COBL: variants seen among roughly 807,000 people sequenced by gnomAD.
The protein encoded by COBL is protein cordon-bleu.
Under a neutral mutation model 98.8 loss-of-function variants are expected in COBL, and 51 were observed. The ratio of observed to expected loss-of-function variants is 0.52; its 90% confidence interval spans 0.41 to 0.65. The LOEUF is 0.65. COBL is among the 30% of genes least tolerant of loss of function. The pLI is 0.00. For missense variants in COBL, 1,617 were observed against 1,617.5 expected (o/e 1.00, Z 0.01); for synonymous variants, 634 against 651.7 (o/e 0.97, Z 0.41).
intron 6 of COBL, among the ~76,000 whole-genome samples, chr7:51,124,505 C>G (rs563817628): frequency 1.3e-5 from 2 of 152,148 alleles, no homozygotes; most frequent in African/African-American, 2.4e-5. Flanking sequence ...AATGAGATGG[C>G]CTTTCCAACA....
intron 1 of COBL, among the ~76,000 whole-genome samples, chr7:51,292,976 C>T (rs1352047163): frequency 3.9e-5 from 6 of 152,252 alleles, no homozygotes; most frequent in Non-Finnish European, 8.8e-5. Flanking sequence ...AGTTACTAAA[C>T]ACATGTGATG....
At chr7:51,314,825 T>A (rs1376182257) in intron 1 of COBL, among the ~76,000 whole-genome samples, 1 of 152,228 alleles carries the variant, frequency 6.6e-6, no homozygotes, top group East Asian at 1.9e-4. Flanking sequence ...TCCTTAGTTT[T>A]ACTTTGCAAT....
At chr7:51,152,009 A>G (rs569665827) in intron 5 of COBL, among the ~76,000 whole-genome samples, 49 of 152,334 alleles carry the variant, frequency 3.2e-4, no homozygotes, top group African/African-American at 1.1e-3. Flanking sequence ...CCTGCTCACA[A>G]ATCATATGAT....
At chr7:51,266,331 C>A (rs1446712863) in intron 1 of COBL, among the ~76,000 whole-genome samples, 3 of 152,210 alleles carry the variant, frequency 2.0e-5, no homozygotes, top group African/African-American at 7.2e-5. Flanking sequence ...ATAATCCCAG[C>A]ATTCTGGGAG....
At position 51,029,562 on chromosome 7, in the gene COBL, T is replaced by C. The variant is rs372180151; in HGVS notation, c.1534A>G (p.Ser512Gly). 3.1e-6 allele frequency: 5 copies of C among 1,603,962 alleles called. No individual in the cohort carries two copies. In the African/African-American group the frequency reaches 5.4e-5, roughly 17 times the overall value. Residue 512 changes from serine (S) to glycine (G), a missense_variant, in exon 10 of 13, where the codon AGC (serine) becomes GGC (glycine). This residue lies in a region of COBL where 1,304 missense variants were observed against 1,282.0 expected (regional missense o/e 1.02). Transcript: ENST00000265136. ...CCATGGATGGAGCTGGTGAGGGAGC[T>C]GGTGTCTGTTTCATAGCTGTCTTCC... ...EMEDSYETDT[S>G]SLTSSIHGAS...
intron 1 of COBL, among the ~76,000 whole-genome samples, chr7:51,311,677 C>G (rs964398124): frequency 6.6e-6 from 1 of 151,982 alleles, no homozygotes; most frequent in Non-Finnish European, 1.5e-5. Flanking sequence ...TCCAGAAACA[C>G]TCAAGTGACA....
intron 1 of COBL, among the ~76,000 whole-genome samples, chr7:51,311,988 T>C (rs1803095630): frequency 6.6e-6 from 1 of 150,676 alleles, no homozygotes; most frequent in African/African-American, 2.4e-5. Flanking sequence ...TAAATGTGGA[T>C]GGGGAGAGAA....
chr7:51,278,318 A>G (rs964639117), intron 1 of COBL, among the ~76,000 whole-genome samples: 29 of 151,094 alleles, frequency 1.9e-4, no homozygotes, highest in African/African-American at 7.0e-4. Context: ...CTCATCTATG[A>G]TCATGCAGGC....
At chr7:51,155,810 ATTGCTTAG>A (rs1786071487) in intron 5 of COBL, among the ~76,000 whole-genome samples, 2 of 152,168 alleles carry the variant, frequency 1.3e-5, no homozygotes, top group Admixed American at 1.3e-4. Flanking sequence ...TCCTGTGTGA[ATTGCTTAG>A]AACTGACCTG....
At chr7:51,030,398 A>G (rs1375909977) in intron 9 of COBL, among the ~76,000 whole-genome samples, 1 of 152,208 alleles carries the variant, frequency 6.6e-6, no homozygotes, top group Non-Finnish European at 1.5e-5. Flanking sequence ...GAGATGCTCC[A>G]TTATAAATGG....
intron 1 of COBL, among the ~76,000 whole-genome samples, chr7:51,285,986 C>T (rs182936620): frequency 2.0e-5 from 3 of 152,122 alleles, no homozygotes; most frequent in East Asian, 3.9e-4. Flanking sequence ...ATTAAATAGA[C>T]GAAAGACAGT....
chr7:51,293,145 T>C (rs771200736), intron 1 of COBL, among the ~76,000 whole-genome samples: 3 of 152,270 alleles, frequency 2.0e-5, no homozygotes. Flanking sequence ...TGTAGTTGTT[T>C]GTTTGCTTTG....
At chr7:51,165,211 T>C (rs1387247953) in intron 5 of COBL, among the ~76,000 whole-genome samples, 1 of 152,022 alleles carries the variant, frequency 6.6e-6, no homozygotes, top group Non-Finnish European at 1.5e-5. Context: ...ACTGATCTGT[T>C]GCCTACAAGA....
chr7:51,056,910 CT>C (rs1214303519), intron 7 of COBL, among the ~76,000 whole-genome samples: 3 of 151,416 alleles, frequency 2.0e-5, no homozygotes, highest in Admixed American at 1.3e-4. Context: ...CAGTTTGTTA[CT>C]TGTGATCAAC....
At chr7:51,304,285 C>A (rs1802258435) in intron 1 of COBL, among the ~76,000 whole-genome samples, 1 of 152,236 alleles carries the variant, frequency 6.6e-6, no homozygotes, top group African/African-American at 2.4e-5. Flanking sequence ...CAGGTCCAGC[C>A]TTCTAACAAA....
At chr7:51,076,957 A>C (rs1002988184) in intron 7 of COBL, among the ~76,000 whole-genome samples, 1 of 152,238 alleles carries the variant, frequency 6.6e-6, no homozygotes. Flanking sequence ...TAATTAAAAT[A>C]GATAATTCAT....
chr7:51,079,254 T>C (rs898345676), intron 7 of COBL, among the ~76,000 whole-genome samples: 12 of 152,284 alleles, frequency 7.9e-5, no homozygotes, highest in African/African-American at 2.9e-4. Flanking sequence ...TTCTCAAGTA[T>C]AACTGCAACA....
intron 8 of COBL, among the ~76,000 whole-genome samples, chr7:51,041,043 TTTTC>T (rs574459551): frequency 1.8e-4 from 28 of 152,194 alleles, no homozygotes; most frequent in Non-Finnish European, 3.2e-4. Flanking sequence ...AGAAAGTGGT[TTTTC>T]TTTATGTTAA....
intron 1 of COBL, among the ~76,000 whole-genome samples, chr7:51,272,817 T>G (rs1798891142): frequency 6.6e-6 from 1 of 152,204 alleles, no homozygotes. Flanking sequence ...GCCATTGGGC[T>G]AAGACATGTA....
Sources: allele counts gnomAD v4.1 joint callset (sites outside exome capture counted in the v4.1 genomes callset), GRCh38; gene constraint gnomAD v4.1.1; regional missense constraint gnomAD v4.1.1; transcripts MANE v1.5; gene names NCBI Gene and HGNC (gene_info 2026-07-23, HGNC 2026-07-21).